Variants in SEPTIN7 observed in about 807,000 individuals in gnomAD.
SEPTIN7 encodes the protein septin 7, also known as septin-7.
In SEPTIN7, 10 loss-of-function variants were observed where a neutral mutation model predicts 63.3. The ratio of observed to expected loss-of-function variants is 0.16; its 90% CI spans 0.10 to 0.27. SEPTIN7 has a LOEUF of 0.27. SEPTIN7 is among the 10% of genes least tolerant of loss of function. The probability of loss-of-function intolerance (pLI) is 1.00; values close to 1 mark genes in which losing one functional copy is unlikely to be tolerated. For synonymous variants in SEPTIN7, 131 were observed against 165.3 expected (o/e 0.79, Z 1.59); for missense variants, 310 against 521.0 (o/e 0.59, Z 3.94).
At chr7:35,874,696 A>G (rs866624767) in intron 6 of SEPTIN7, among the ~76,000 whole-genome samples, 18 of 152,068 alleles carry the variant, frequency 1.2e-4, no homozygotes, top group African/African-American at 4.1e-4. Flanking sequence ...AGATAGGTCA[A>G]TGCCCATTAT....
intron 3 of SEPTIN7, among the ~76,000 whole-genome samples, chr7:35,861,587 T>G (rs1785511684): frequency 6.6e-6 from 1 of 152,230 alleles, no homozygotes; most frequent in South Asian, 2.1e-4. Flanking sequence ...TTGAATGTCT[T>G]AATTTCCCAA....
chr7:35,887,424 G>A (rs1034653003), intron 10 of SEPTIN7, among the ~76,000 whole-genome samples: 10 of 152,252 alleles, frequency 6.6e-5, no homozygotes, highest in African/African-American at 1.9e-4. Context: ...ATCTTGGCTC[G>A]CTGCAGCCTC....
At chr7:35,863,807 TA>T (rs746226867) in intron 4 of SEPTIN7, 149 bp downstream of exon 4, 1,836 of 440,224 alleles carry the variant, frequency 4.2e-3, no homozygotes, top group South Asian at 6.2e-3. Flanking sequence ...TCATAAAATT[TA>T]AAAAAAAAAG....
chr7:35,810,535 G>C (rs370834791), intron 1 of SEPTIN7, among the ~76,000 whole-genome samples: 1 of 152,056 alleles, frequency 6.6e-6, no homozygotes, highest in Non-Finnish European at 1.5e-5. Context: ...GTGTTAGCCA[G>C]GATGGTCTCA....
At chr7:35,911,586 C>T (rs185632186), downstream of SEPTIN7, among the ~76,000 whole-genome samples, 11 of 152,340 alleles carry the variant, frequency 7.2e-5, no homozygotes, top group South Asian at 1.2e-3. Context: ...CCGTGTGCCA[C>T]GGCCACACTA....
chr7:35,833,466 A>G (rs1783935886), intron 3 of SEPTIN7, among the ~76,000 whole-genome samples: 1 of 151,970 alleles, frequency 6.6e-6, no homozygotes, highest in Non-Finnish European at 1.5e-5. Flanking sequence ...AGTCCATTTG[A>G]AAATACTGTT....
chr7:35,805,795 A>T (rs1468257710), intron 1 of SEPTIN7, among the ~76,000 whole-genome samples: 2 of 152,062 alleles, frequency 1.3e-5, no homozygotes, highest in African/African-American at 4.8e-5. Flanking sequence ...TAAAGATGAT[A>T]TTCTTCCTCC....
chr7:35,884,191 A>G (rs75942027), intron 9 of SEPTIN7, among the ~76,000 whole-genome samples: 2,249 of 152,222 alleles, frequency 0.015, 51 homozygotes, highest in African/African-American at 0.05. Flanking sequence ...AAGTCAGGCA[A>G]GTGTGTGTTA....
intron 11 of SEPTIN7, 81 bp from the exon 12 acceptor site, chr7:35,898,167 G>T (rs1187628491): frequency 9.1e-6 from 10 of 1,096,166 alleles, no homozygotes; most frequent in Non-Finnish European, 1.1e-5. Flanking sequence ...CATCTGATTT[G>T]TTTTCATCAG....
At chr7:35,900,284 G>A (rs1408102217) in intron 12 of SEPTIN7, 1 of 152,134 alleles carries the variant, frequency 6.6e-6, no homozygotes, top group African/African-American at 2.4e-5. Flanking sequence ...TAATTTAGCA[G>A]GGGTATGGAA....
intron 1 of SEPTIN7, among the ~76,000 whole-genome samples, chr7:35,814,004 TAACA>T (rs1236654424): frequency 1.3e-5 from 2 of 150,858 alleles, no homozygotes; most frequent in Non-Finnish European, 3.0e-5. Flanking sequence ...TTCATTCATT[TAACA>T]AACACATGTT....
chr7:35,863,730 T>C, intron 4 of SEPTIN7, 72 bp downstream of exon 4: 2 of 735,872 alleles, frequency 2.7e-6, no homozygotes, highest in Non-Finnish European at 4.1e-6. Flanking sequence ...GTTGTAACTT[T>C]TATTAGGCTT....
At chr7:35,888,140 A>G (rs1038010579) in intron 10 of SEPTIN7, among the ~76,000 whole-genome samples, 20 of 152,248 alleles carry the variant, frequency 1.3e-4, no homozygotes, top group African/African-American at 4.1e-4. Flanking sequence ...AAAGGAGAAC[A>G]GAAAGAGTTA....
intron 3 of SEPTIN7, among the ~76,000 whole-genome samples, chr7:35,862,919 A>G (rs1352313503): frequency 1.3e-5 from 2 of 152,150 alleles, no homozygotes; most frequent in African/African-American, 2.4e-5. Flanking sequence ...GTACGTGATC[A>G]GAGTACAAAT....
chr7:35,802,984 G>T (rs1226251011), intron 1 of SEPTIN7, among the ~76,000 whole-genome samples: 1 of 152,174 alleles, frequency 6.6e-6, no homozygotes, highest in Non-Finnish European at 1.5e-5. Context: ...GGGACAACAT[G>T]ATGGAACCAG....
rs1787071935 is a variant in SEPTIN7 at position 35,884,075 on chromosome 7, CTG to C, written c.820+90_820+91del. 7 of 744,770 alleles carry C rather than the reference CTG, an allele frequency of 9.4e-6. No individual in the cohort carries two copies. In the South Asian group the frequency reaches 1.2e-4, roughly 12 times the overall value. The allele number at this position is 744,770 out of a possible 1,614,324, so 46.1% of individuals were successfully genotyped here. On this transcript the variant is annotated intron_variant, in intron 9 of 13. Coordinates refer to ENST00000350320, the MANE Select transcript of SEPTIN7 (RefSeq NM_001788.6). ...TATAGTAAGTAGTACAGTATGCACA[CTG>C]TATTGATATAGTCTAGATTTTCAAG...
chr7:35,912,941 C>A, the SEPTIN7 span, among the ~76,000 whole-genome samples: 1 of 152,190 alleles, frequency 6.6e-6, no homozygotes, highest in Non-Finnish European at 1.5e-5. Context: ...ATCATTTTTA[C>A]TTCTATTACT....
chr7:35,904,160 A>G (rs578245241), intron 13 of SEPTIN7, 94 bp from the exon 14 acceptor site: 1 of 863,914 alleles, frequency 1.2e-6, no homozygotes, highest in Admixed American at 3.7e-5. Context: ...GAAAATCCCA[A>G]CATTGTTGTA....
chr7:35,876,862 A>T (rs1379176345), intron 6 of SEPTIN7, among the ~76,000 whole-genome samples: 1 of 152,000 alleles, frequency 6.6e-6, no homozygotes, highest in Non-Finnish European at 1.5e-5. Flanking sequence ...CCAGCTACTC[A>T]GGAGGCTGAG....
Sources: allele counts gnomAD v4.1 joint callset (sites outside exome capture counted in the v4.1 genomes callset), GRCh38; gene constraint gnomAD v4.1.1; transcripts MANE v1.5; gene names NCBI Gene and HGNC (gene_info 2026-07-23, HGNC 2026-07-21).